Variants in EYS observed in about 807,000 individuals in gnomAD.
The protein encoded by EYS is EGF-like photoreceptor maintenance factor, also known as protein eyes shut homolog.
EYS carries 250 observed loss-of-function variants against 282.1 expected under a neutral mutation model. That is an observed-to-expected ratio of 0.89 (90% CI 0.80 to 0.98). EYS has a LOEUF of 0.98. EYS is among the 50% of genes least tolerant of loss of function. EYS has a pLI of 0.00. For missense variants in EYS, 4,016 were observed against 3,709.0 expected (o/e 1.08, Z -2.15); for synonymous variants, 1,355 against 1,282.9 (o/e 1.06, Z -1.20).
chr6:64,034,678 G>C (rs572374023), intron 33 of EYS, among the ~76,000 whole-genome samples: 1 of 152,272 alleles, frequency 6.6e-6, no homozygotes, highest in South Asian at 2.1e-4. Flanking sequence ...GACCAAGTTT[G>C]GGAATCTCTG....
rs17401144 is a variant in EYS at position 64,418,648 on chromosome 6, G to T, written c.5927+17526C>A. Among the ~76,000 whole-genome samples, 1,086 of 152,142 alleles carry T rather than the reference G, an allele frequency of 7.1e-3. 7 individuals carry two copies. The highest frequency in any genetic ancestry group is 0.013 in the South Asian group (62 of 4,818). On this transcript the variant is annotated intron_variant, in intron 28 of 42. Coordinates refer to ENST00000503581, the MANE Select transcript of EYS (RefSeq NM_001142800.2). ...ATTTTCTGTTATCTCATCAGAATGG[G>T]GACTAGAAATGTAAATTAAGTTGAG... is the stretch of plus-strand genomic sequence containing the variant.
At chr6:64,771,630 T>A (rs1773524922) in intron 22 of EYS, among the ~76,000 whole-genome samples, 1 of 151,778 alleles carries the variant, frequency 6.6e-6, no homozygotes, top group East Asian at 1.9e-4. Context: ...CTGTTTTGAT[T>A]TCACTTTCAT....
At chr6:64,903,378 C>A (rs1466003414) in intron 16 of EYS, among the ~76,000 whole-genome samples, 1 of 152,068 alleles carries the variant, frequency 6.6e-6, no homozygotes, top group African/African-American at 2.4e-5. Flanking sequence ...GTTTGAGGAA[C>A]AAAGAGTCAT....
At chr6:64,139,980 A>C (rs1273910150) in intron 31 of EYS, among the ~76,000 whole-genome samples, 1 of 136,592 alleles carries the variant, frequency 7.3e-6, no homozygotes, top group East Asian at 1.9e-4. Flanking sequence ...TAAATAAATA[A>C]ATAAATAAAT....
chr6:64,683,646 A>G (rs1427422958), intron 22 of EYS, among the ~76,000 whole-genome samples: 2 of 152,218 alleles, frequency 1.3e-5, no homozygotes, highest in Non-Finnish European at 2.9e-5. Context: ...ATTGTACTTA[A>G]TGGCTGACAT....
At chr6:65,231,719 T>C (rs1582044713) in intron 12 of EYS, among the ~76,000 whole-genome samples, 1 of 151,884 alleles carries the variant, frequency 6.6e-6, no homozygotes, top group African/African-American at 2.4e-5. Flanking sequence ...TTAGTGAAAA[T>C]ACATCATCTC....
chr6:65,645,427 G>A (rs1476449262), intron 1 of EYS, among the ~76,000 whole-genome samples: 3 of 152,138 alleles, frequency 2.0e-5, no homozygotes, highest in Non-Finnish European at 4.4e-5. Context: ...AACTGTTCCT[G>A]ATTGATCAGC....
intron 33 of EYS, among the ~76,000 whole-genome samples, chr6:64,053,687 T>A (rs759338163): frequency 2.6e-5 from 4 of 152,160 alleles, no homozygotes; most frequent in African/African-American, 4.8e-5. Flanking sequence ...TAGACAATAG[T>A]AAGAGCTTAA....
chr6:63,849,578 A>T (rs1772188404), intron 36 of EYS, among the ~76,000 whole-genome samples: 1 of 152,234 alleles, frequency 6.6e-6, no homozygotes, highest in African/African-American at 2.4e-5. Context: ...CCTGCAGAAG[A>T]GGGGCCTGAC....
intron 28 of EYS, among the ~76,000 whole-genome samples, chr6:64,428,132 G>C (rs1774466272): frequency 6.6e-6 from 1 of 152,028 alleles, no homozygotes; most frequent in East Asian, 1.9e-4. Flanking sequence ...CTCAACAATT[G>C]CCTTCAATAT....
chr6:63,830,787 A>T (rs558916340), intron 36 of EYS, among the ~76,000 whole-genome samples: 34 of 152,346 alleles, frequency 2.2e-4, no homozygotes, highest in African/African-American at 7.7e-4. Context: ...AGTCGAAATG[A>T]AGGGAAAAAT....
intron 29 of EYS, among the ~76,000 whole-genome samples, chr6:64,312,731 A>C (rs61183856): frequency 2.6e-5 from 4 of 152,204 alleles, no homozygotes; most frequent in African/African-American, 9.7e-5. Context: ...GGTGATACCA[A>C]GGAAAACAGG....
At chr6:63,990,602 T>C (rs891166153) in intron 34 of EYS, among the ~76,000 whole-genome samples, 1 of 151,702 alleles carries the variant, frequency 6.6e-6, no homozygotes, top group East Asian at 1.9e-4. Flanking sequence ...TGGACTAATA[T>C]GCAATCATTC....
chr6:65,206,506 A>G (rs959121912), intron 12 of EYS, among the ~76,000 whole-genome samples: 2 of 151,728 alleles, frequency 1.3e-5, no homozygotes, highest in African/African-American at 2.4e-5. Flanking sequence ...AAAATTTGGG[A>G]AGGGATTCCT....
chr6:64,369,901 G>T (rs1772306007), intron 29 of EYS, among the ~76,000 whole-genome samples: 2 of 151,742 alleles, frequency 1.3e-5, no homozygotes, highest in Admixed American at 1.3e-4. Context: ...CTTTGCCAAA[G>T]TTGTTTATAA....
intron 13 of EYS, among the ~76,000 whole-genome samples, chr6:65,031,174 T>C (rs865846610): frequency 2.7e-5 from 4 of 146,606 alleles, no homozygotes; most frequent in Non-Finnish European, 6.0e-5. Flanking sequence ...CACACGCACA[T>C]ACACACACAC....
At chr6:63,731,117 G>C (rs1582150546) in intron 41 of EYS, among the ~76,000 whole-genome samples, 1 of 152,170 alleles carries the variant, frequency 6.6e-6, no homozygotes, top group Admixed American at 6.5e-5. Context: ...GATGGTCTGT[G>C]TTCATTTTTA....
chr6:64,044,621 C>T (rs753213450), intron 33 of EYS, among the ~76,000 whole-genome samples: 11 of 152,172 alleles, frequency 7.2e-5, no homozygotes, highest in African/African-American at 1.2e-4. Context: ...CTTTGGTCTT[C>T]GACATTCCCC....
rs145524923 is a variant in EYS, at chr6:63,829,276, C to T, written c.7229-22904G>A. 3.8e-3 allele frequency among the ~76,000 whole-genome samples: 581 copies of T among 152,222 alleles called. 3 individuals carry two copies. Among genetic ancestry groups the T allele is most frequent in the Middle Eastern group, 6.8e-3 (2 of 294 alleles). ...GAGCAAGGTGGGGTATCACCTCACC[C>T]GGGAAATGCAAGAGGTCAGGGAATT... On this transcript the variant is annotated intron_variant, in intron 36 of 42. Transcript: ENST00000503581.
Sources: gnomAD v4.1 joint callset for allele counts (sites outside exome capture counted in the v4.1 genomes callset) on GRCh38, gnomAD v4.1.1 for gene constraint, MANE v1.5 for transcripts, NCBI Gene and HGNC (gene_info 2026-07-23, HGNC 2026-07-21) for gene names.